Variants in PLD2 observed in about 807,000 individuals in gnomAD.
PLD2 encodes the protein phospholipase D2.
In PLD2, 101 loss-of-function variants were observed where a neutral mutation model predicts 119.8. The observed-to-expected ratio is 0.84, with a 90% CI of 0.72 to 0.99. The LOEUF (loss-of-function observed/expected upper bound fraction) is 0.99, where lower values mean the gene tolerates loss of function less well. Ranked by LOEUF, PLD2 falls within the 50% of genes least tolerant of loss-of-function variation. The probability of loss-of-function intolerance (pLI) is 0.00; values close to 1 mark genes in which losing one functional copy is unlikely to be tolerated. For missense variants in PLD2, 1,164 were observed against 1,226.8 expected (o/e 0.95, Z 0.76); for synonymous variants, 494 against 482.8 (o/e 1.02, Z -0.30).
rs1183217857 is a variant in PLD2, at chr17:4,817,267, C to T, written c.1815+8C>T. 1 of 1,558,748 alleles carries T rather than the reference C, an allele frequency of 6.4e-7. No individual in the cohort carries two copies. The highest frequency in any genetic ancestry group is 8.9e-7 in the Non-Finnish European group (1 of 1,129,238). ...CAGTGCACCACCGTACAGGTGAGGC[C>T]CCCCACTTCAGCCAGCCCTCCCCTT... is the stretch of plus-strand genomic sequence containing the variant. On this transcript the variant is annotated splice_region_variant and intron_variant, in intron 17 of 24. Coordinates refer to ENST00000263088, the MANE Select transcript of PLD2 (RefSeq NM_002663.5).
chr17:4,817,732 G>A (rs1357453331), intron 17 of PLD2, among the ~76,000 whole-genome samples: 1 of 151,372 alleles, frequency 6.6e-6, no homozygotes, highest in Admixed American at 6.6e-5. Flanking sequence ...GCCGAGGCAG[G>A]CGGATCACGA....
chr17:4,818,694 G>A (rs539733957), intron 20 of PLD2, 80 bp from the exon 21 acceptor site: 2 of 1,570,174 alleles, frequency 1.3e-6, no homozygotes, highest in Admixed American at 3.3e-5. Context: ...TTCCTGCTGG[G>A]CCTTAAAGAA....
At position 4,816,603 on chromosome 17, in the gene PLD2, G is replaced by T. The variant is rs1330245753; in HGVS notation, c.1456-17G>T. 1 of 1,613,234 alleles carries T rather than the reference G, an allele frequency of 6.2e-7. No individual in the cohort carries two copies. The highest frequency in any genetic ancestry group is 8.5e-7 in the Non-Finnish European group (1 of 1,179,336). On this transcript the variant is annotated splice_polypyrimidine_tract_variant and intron_variant, in intron 14 of 24. Coordinates refer to ENST00000263088, the MANE Select transcript of PLD2 (RefSeq NM_002663.5). ...TGACTTCCCCTTGCCCCTGGCTTGG[G>T]TGTGTTCCCCCTACAGCCTCCCACC... is the stretch of plus-strand genomic sequence containing the variant.
intron 23 of PLD2, among the ~76,000 whole-genome samples, chr17:4,820,570 AATC>A (rs1176218180): frequency 2.8e-5 from 4 of 140,442 alleles, no homozygotes; most frequent in Non-Finnish European, 6.2e-5. Flanking sequence ...AAAAAAAAAA[AATC>A]TTTTTTTTTT....
rs1907701735 is a variant in PLD2, at chr17:4,821,841, C to T, written c.2511C>T (p.Pro837=). 2 of 1,614,026 alleles carry T rather than the reference C, an allele frequency of 1.2e-6. No individual in the cohort carries two copies. The highest frequency in any genetic ancestry group is 1.3e-5 in the African/African-American group (1 of 74,992). Residue 837 remains proline (P), a synonymous_variant, in exon 24 of 25, where the codon CCC becomes CCT. Coordinates refer to ENST00000263088, the MANE Select transcript of PLD2 (RefSeq NM_002663.5). Reference sequence around the variant, plus strand: ...GGCCAGACTTGGATCTCCGAGACCCCATCTGTGATGACTTCTTCCAGTTGT... The same window carrying T: ...GGCCAGACTTGGATCTCCGAGACCCTATCTGTGATGACTTCTTCCAGTTGT... ...NTRPDLDLRD[P]ICDDFFQLWQ... is the part of the protein sequence containing the mutation.
At chr17:4,809,585 T>C (rs1242302064) in intron 7 of PLD2, 34 bp downstream of exon 7, 4 of 1,608,030 alleles carry the variant, frequency 2.5e-6, no homozygotes, top group Non-Finnish European at 3.4e-6. Context: ...CAGGCATCCG[T>C]AGACATCACT....
At chr17:4,809,437 G>A (rs1906208476) in intron 6 of PLD2, 56 bp from the exon 7 acceptor site, 3 of 1,610,366 alleles carry the variant, frequency 1.9e-6, no homozygotes, top group Non-Finnish European at 8.5e-7. Flanking sequence ...AGGGGCCCCA[G>A]GGTCTGAGGG....
chr17:4,808,039 C>T lies in PLD2; in HGVS notation c.165C>T (p.His55=), dbSNP rs780092060. ...AIYELQSLKV[H]PLVFAPGVPV... ...ATGAGCTTCAGTCTCTGAAAGTGCA[C>T]CCCTTGGTGTTCGCACCTGGGGTCC... Residue 55 remains histidine (H), a synonymous_variant, in exon 3 of 25, where the codon CAC becomes CAT. Transcript: ENST00000263088. This position sits in a 1 kb window ranked among gnomAD's most constrained non-coding sequence, Gnocchi z 4.1. 3.1e-6 allele frequency: 5 copies of T among 1,612,942 alleles called. No homozygotes were observed. The East Asian group carries it at 1.1e-4, about 36-fold the overall frequency.
chr17:4,816,930 C>T lies in PLD2; in HGVS notation c.1583-7C>T. 1.9e-6 allele frequency: 3 copies of T among 1,609,050 alleles called. No homozygotes were observed. The highest frequency in any genetic ancestry group is 1.7e-5 in the Admixed American group (1 of 59,828). On this transcript the variant is annotated splice_region_variant and splice_polypyrimidine_tract_variant and intron_variant, in intron 15 of 24. Transcript: ENST00000263088. ...ACATCTCCCCTGACTCTCCTGGGAC[C>T]CCCCAGATTTCATTGACAGGGAGAC...
chr17:4,819,688 G>C lies in PLD2; in HGVS notation c.2462+106G>C. The stretch of plus-strand genomic sequence containing the variant: ...ATAGGTACTCCCGGAGCCAGAGGTA[G>C]AGGCAGTACTAGATTCTCAATAGGC... On this transcript the variant is annotated intron_variant, in intron 23 of 24. Transcript: ENST00000263088. This position sits in a 1 kb window ranked among gnomAD's most constrained non-coding sequence, Gnocchi z 4.2. 1 of 1,105,412 alleles carries C rather than the reference G, an allele frequency of 9.0e-7. No individual in the cohort carries two copies. 68.5% of individuals were successfully genotyped at this position (1,105,412 alleles called of 1,614,324 possible).
chr17:4,817,259 G>T lies in PLD2; in HGVS notation c.1815G>T (p.Gln605His). 2 of 1,591,774 alleles carry T rather than the reference G, an allele frequency of 1.3e-6. No homozygotes were observed. Residue 605 changes from glutamine to histidine, a missense_variant and splice_region_variant, in exon 17 of 25, where the codon CAG (glutamine) becomes CAT (histidine). By Grantham distance (24) the Gln-to-His change is conservative. Transcript: ENST00000263088. Reference sequence around the variant, plus strand: ...CAGGAGGGCAGTGCACCACCGTACAGGTGAGGCCCCCCACTTCAGCCAGCC... The same window carrying T: ...CAGGAGGGCAGTGCACCACCGTACATGTGAGGCCCCCCACTTCAGCCAGCC... Reference protein sequence around the residue: ...TLPGGQCTTVQVLRSVDRWSA... With the variant: ...TLPGGQCTTVHVLRSVDRWSA...
rs576227348 is a variant in PLD2 at position 4,807,565 on chromosome 17, G to A, written c.-1-207G>A. On this transcript the variant is annotated intron_variant, in intron 1 of 24. Coordinates refer to ENST00000263088, the MANE Select transcript of PLD2 (RefSeq NM_002663.5). This position sits in a 1 kb window ranked among gnomAD's most constrained non-coding sequence, Gnocchi z 5.4. The stretch of plus-strand genomic sequence containing the variant: ...GGGGCGGGGGGCGGGGGGCGGGACT[G>A]GGATTGTGGATGAAGGACTAAGGTA... 594 of 430,730 alleles carry A rather than the reference G, an allele frequency of 1.4e-3. 5 individuals carry two copies. Among genetic ancestry groups the A allele is most frequent in the African/African-American group, 0.012 (559 of 46,894 alleles). The allele number at this position is 430,730 out of a possible 1,614,324, so 26.7% of individuals were successfully genotyped here. A position where few individuals can be genotyped will look rare whatever the true frequency, so the allele number is the denominator to read the frequency against.
In PLD2 at chr17:4,818,347, G is replaced by A. The variant is rs1004098371; in HGVS notation, c.1971G>A (p.Val657=). The part of the protein sequence containing the change: ...CSDGRTVLNK[V]GDEIVDRILK... ...ATGGGCGGACGGTTCTGAACAAGGTGGGCGATGAGATTGTGGACAGAATCC... is the reference window on the plus strand; with the variant it reads ...ATGGGCGGACGGTTCTGAACAAGGTAGGCGATGAGATTGTGGACAGAATCC... The change falls in exon 19 of 25, where the codon GTG becomes GTA. Residue 657 remains valine (V), a synonymous_variant. Transcript: ENST00000263088. The A allele has an allele frequency of 3.1e-6, 5 of 1,614,066 alleles. No homozygotes were observed. The Admixed American group carries it at 8.3e-5, about 27-fold the overall frequency.
intron 10 of PLD2, among the ~76,000 whole-genome samples, chr17:4,812,295 GTTT>G (rs560349965): frequency 1.7e-5 from 2 of 118,600 alleles, no homozygotes; most frequent in Non-Finnish European, 1.7e-5. Context: ...TTTTGTTTTG[GTTT>G]TTTTTTTTTT....
At chr17:4,818,919 C>A in intron 21 of PLD2, 96 bp downstream of exon 21, 1 of 1,481,594 alleles carries the variant, frequency 6.7e-7, no homozygotes. Flanking sequence ...GGCTGTCACT[C>A]CTGTGAGCCT....
Position 4,819,191 on chromosome 17 carries a change from A to G in PLD2, c.2281A>G (p.Ile761Val). ...ELIYIHSKVL[I>V]ADDRTVIIGS... ...CATCTACATCCACAGCAAGGTGCTC[A>G]TCGCAGATGACCGGACAGTCATCAT... is the stretch of plus-strand genomic sequence containing the variant. The change falls in exon 22 of 25, where the codon ATC (isoleucine) becomes GTC (valine). Residue 761 changes from isoleucine to valine, a missense_variant. Coordinates refer to ENST00000263088, the MANE Select transcript of PLD2 (RefSeq NM_002663.5). This position sits in a 1 kb window ranked among gnomAD's most constrained non-coding sequence, Gnocchi z 4.2. The G allele has an allele frequency of 1.9e-6, 3 of 1,614,138 alleles. No individual in the cohort carries two copies. Among genetic ancestry groups the G allele is most frequent in the Non-Finnish European group, 2.5e-6 (3 of 1,179,986 alleles).
intron 15 of PLD2, 73 bp downstream of exon 15, chr17:4,816,819 G>A (rs769836093): frequency 1.0e-4 from 164 of 1,606,962 alleles, no homozygotes; most frequent in Non-Finnish European, 1.4e-4. Flanking sequence ...TACTGAGAGT[G>A]GGATGAGAGG....
chr17:4,822,064 C>T (rs928987809), intron 24 of PLD2, among the ~76,000 whole-genome samples, 157 bp downstream of exon 24: 2 of 151,890 alleles, frequency 1.3e-5, no homozygotes, highest in South Asian at 2.1e-4. Flanking sequence ...TGGCCCAGGC[C>T]GGGTGCAGTG....
In PLD2 at chr17:4,819,844, A is replaced by G. The variant is rs1907463895; in HGVS notation, c.2462+262A>G. Among the ~76,000 whole-genome samples, 1 of 152,134 alleles carries G rather than the reference A, an allele frequency of 6.6e-6. No homozygotes were observed. Among genetic ancestry groups the G allele is most frequent in the Non-Finnish European group, 1.5e-5 (1 of 68,004 alleles). On this transcript the variant is annotated intron_variant, in intron 23 of 24. Coordinates refer to ENST00000263088, the MANE Select transcript of PLD2 (RefSeq NM_002663.5). The surrounding 1 kb of genome is among the most constrained non-coding windows in gnomAD (Gnocchi z 4.2). ...GAAACCCGTCTCTACTAAAAATACA[A>G]AAAATCAGCTGGGTGTGGTGGCGGG...
Sources: allele counts gnomAD v4.1 joint callset (sites outside exome capture counted in the v4.1 genomes callset), GRCh38; gene constraint gnomAD v4.1.1; non-coding constraint Gnocchi (gnomAD v3.1); transcripts MANE v1.5; gene names NCBI Gene and HGNC (gene_info 2026-07-23, HGNC 2026-07-21).